CNKSR3: variants seen among roughly 807,000 people sequenced by gnomAD.
The protein encoded by CNKSR3 is CNKSR family member 3.
Under a neutral mutation model 67.7 loss-of-function variants are expected in CNKSR3, and 36 were observed. That is an observed-to-expected ratio of 0.53 (90% CI 0.41 to 0.70). The LOEUF (loss-of-function observed/expected upper bound fraction) is 0.70, where lower values mean the gene tolerates loss of function less well. CNKSR3 is among the 30% of genes least tolerant of loss of function. CNKSR3 has a pLI of 0.00. For synonymous variants in CNKSR3, 281 were observed against 271.4 expected (o/e 1.04, Z -0.35); for missense variants, 630 against 695.2 (o/e 0.91, Z 1.05).
intron 1 of CNKSR3, among the ~76,000 whole-genome samples, chr6:154,463,321 C>T (rs140705241): frequency 6.6e-6 from 1 of 152,272 alleles, no homozygotes; most frequent in East Asian, 1.9e-4. Flanking sequence ...GATCGGCCCG[C>T]CTCGGCCTCC....
chr6:154,441,033 G>C (rs1785569945), intron 4 of CNKSR3, among the ~76,000 whole-genome samples: 1 of 151,644 alleles, frequency 6.6e-6, no homozygotes, highest in African/African-American at 2.4e-5. Context: ...GGGAAGTACA[G>C]GAACTATTAG....
chr6:154,394,627 A>C lies in CNKSR3; in HGVS notation c.*11727T>G, dbSNP rs1182852606. On this transcript the variant is annotated 3_prime_UTR_variant, in exon 13 of 13. Transcript: ENST00000607772. ...TAATACAAGAAGTAAAAAAAAAAAAAAAAAAAAAGAAGAATTCCAAAGGAA... is the reference window on the plus strand; with the variant it reads ...TAATACAAGAAGTAAAAAAAAAAAACAAAAAAAAGAAGAATTCCAAAGGAA... The C allele has an allele frequency of 6.6e-6, 1 of 151,654 alleles. No homozygotes were observed. The highest frequency in any genetic ancestry group is 1.5e-5 in the Non-Finnish European group (1 of 67,902). The allele number at this position is 151,654 out of a possible 1,614,324, so 9.4% of individuals were successfully genotyped here. A position where few individuals can be genotyped will look rare whatever the true frequency, so the allele number is the denominator to read the frequency against.
intron 4 of CNKSR3, among the ~76,000 whole-genome samples, chr6:154,435,532 C>G (rs1342900965): frequency 6.6e-6 from 1 of 152,178 alleles, no homozygotes. Context: ...CCAAATTGTT[C>G]CAGTTGGCGT....
chr6:154,481,155 T>C (rs573692871), intron 1 of CNKSR3, among the ~76,000 whole-genome samples: 3 of 152,268 alleles, frequency 2.0e-5, no homozygotes, highest in Admixed American at 6.5e-5. Flanking sequence ...ATCTATTTTA[T>C]TTATAGCAGT....
At chr6:154,505,291 T>C (rs1787074971) in intron 1 of CNKSR3, among the ~76,000 whole-genome samples, 1 of 107,944 alleles carries the variant, frequency 9.3e-6, no homozygotes, top group Admixed American at 8.1e-5. Flanking sequence ...CTGCTATGTG[T>C]CATAAACAAA....
At chr6:154,464,484 A>G (rs1166943831) in intron 1 of CNKSR3, among the ~76,000 whole-genome samples, 1 of 152,176 alleles carries the variant, frequency 6.6e-6, no homozygotes, top group African/African-American at 2.4e-5. Flanking sequence ...TGGGAGGCCG[A>G]GGCCTGCGGA....
At chr6:154,457,859 G>A (rs113734760) in intron 1 of CNKSR3, among the ~76,000 whole-genome samples, 12 of 152,052 alleles carry the variant, frequency 7.9e-5, no homozygotes, top group African/African-American at 1.7e-4. Flanking sequence ...TTTGGGACCC[G>A]TCCTCTTCCA....
intron 1 of CNKSR3, among the ~76,000 whole-genome samples, chr6:154,458,128 G>T (rs1026622506): frequency 6.6e-6 from 1 of 152,176 alleles, no homozygotes; most frequent in Non-Finnish European, 1.5e-5. Flanking sequence ...TGATAGAGAC[G>T]TATGGCTCTC....
chr6:154,435,396 C>T (rs1305019490), intron 4 of CNKSR3, among the ~76,000 whole-genome samples: 1 of 152,306 alleles, frequency 6.6e-6, no homozygotes, highest in East Asian at 1.9e-4. Context: ...ACAAGGTAGA[C>T]TTGTGACTGC....
At chr6:154,415,228 ATTTTTTTTTTTTTTT>A (rs35873703) in intron 9 of CNKSR3, among the ~76,000 whole-genome samples, 1 of 118,106 alleles carries the variant, frequency 8.5e-6, no homozygotes, top group Non-Finnish European at 1.7e-5. Context: ...CTAGCTGCCC[ATTTTTTTTTTTTTTT>A]TTTTTAAGAT....
chr6:154,450,165 T>C lies in CNKSR3; in HGVS notation c.146A>G (p.Glu49Gly). 6.2e-7 allele frequency: 1 copy of C among 1,614,170 alleles called. No homozygotes were observed. Among genetic ancestry groups the C allele is most frequent in the Non-Finnish European group, 8.5e-7 (1 of 1,180,028 alleles). The change falls in exon 2 of 13, where the codon GAG (glutamate) becomes GGG (glycine). Residue 49 changes from glutamate to glycine, a missense_variant. Coordinates refer to ENST00000607772, the MANE Select transcript of CNKSR3 (RefSeq NM_173515.4). ...TCCAATCCGTGTGACCCCCAGCTCC[T>C]CCAGGTCCTGATGGGAAATCTGCAG... ...QLLQISHQDL[E>G]ELGVTRIGHQ... is the part of the protein sequence containing the mutation.
At chr6:154,430,962 A>G (rs544777511) in intron 5 of CNKSR3, among the ~76,000 whole-genome samples, 9 of 152,246 alleles carry the variant, frequency 5.9e-5, no homozygotes, top group Admixed American at 5.9e-4. Context: ...TAAAAAAAAA[A>G]AAAAATTGTT....
intron 4 of CNKSR3, chr6:154,434,028 T>C (rs1785422083): frequency 6.6e-6 from 1 of 152,348 alleles, no homozygotes; most frequent in Admixed American, 6.5e-5. Context: ...ATTTCAGTCC[T>C]TGATAGATGA....
chr6:154,450,200 G>T lies in CNKSR3; in HGVS notation c.111C>A (p.Gly37=), dbSNP rs1007606569. Residue 37 remains glycine (G), a synonymous_variant, in exon 2 of 13, where the codon GGC becomes GGA. Transcript: ENST00000607772. ...GATGGGAAATCTGCAGCAGCTGCTC[G>T]CCGTTGATCTTCTCTCGTTCAAACT... The part of the protein sequence containing the change: ...VHKFEREKIN[G]EQLLQISHQD... 1 of 1,614,032 alleles carries T rather than the reference G, an allele frequency of 6.2e-7. No homozygotes were observed. Among genetic ancestry groups the T allele is most frequent in the African/African-American group, 1.3e-5 (1 of 74,906 alleles).
chr6:154,491,903 G>A (rs1349887950), intron 1 of CNKSR3, among the ~76,000 whole-genome samples: 6 of 152,238 alleles, frequency 3.9e-5, no homozygotes, highest in Middle Eastern at 3.4e-3. Flanking sequence ...AAAATAAAAC[G>A]CATTCAGCAT....
At chr6:154,424,185 C>T (rs546072701) in intron 7 of CNKSR3, among the ~76,000 whole-genome samples, 5 of 148,554 alleles carry the variant, frequency 3.4e-5, no homozygotes, top group Non-Finnish European at 7.4e-5. Flanking sequence ...GAGCCGAGAT[C>T]GCGCCACTGC....
intron 1 of CNKSR3, among the ~76,000 whole-genome samples, chr6:154,460,711 C>T (rs1210773233): frequency 6.6e-6 from 1 of 152,188 alleles, no homozygotes; most frequent in African/African-American, 2.4e-5. Context: ...TTGCCAAAAC[C>T]GTAAATTCGA....
intron 2 of CNKSR3, among the ~76,000 whole-genome samples, chr6:154,448,949 T>C (rs1785766010): frequency 6.6e-6 from 1 of 152,232 alleles, no homozygotes; most frequent in Admixed American, 6.5e-5. Flanking sequence ...CTGTCGAGTT[T>C]GTCCAAATCC....
At chr6:154,468,161 C>T (rs145086341) in intron 1 of CNKSR3, among the ~76,000 whole-genome samples, 447 of 148,710 alleles carry the variant, frequency 3.0e-3, no homozygotes, top group African/African-American at 0.01. Context: ...ACTGCAGCCT[C>T]CACCTCTTGG....
Sources: gnomAD v4.1 joint callset for allele counts (sites outside exome capture counted in the v4.1 genomes callset) on GRCh38, gnomAD v4.1.1 for gene constraint, MANE v1.5 for transcripts, NCBI Gene and HGNC (gene_info 2026-07-23, HGNC 2026-07-21) for gene names.